PI4K2B: variants seen among roughly 807,000 people sequenced by gnomAD.
PI4K2B encodes the protein phosphatidylinositol 4-kinase type 2 beta, also known as phosphatidylinositol 4-kinase type 2-beta.
A neutral mutation model predicts 56.6 loss-of-function variants in PI4K2B; 46 were observed. The ratio of observed to expected loss-of-function variants is 0.81; its 90% CI spans 0.64 to 1.04. PI4K2B has a LOEUF of 1.04. Ranked by LOEUF, PI4K2B falls within the 50% of genes least tolerant of loss-of-function variation. The pLI, the probability that PI4K2B is intolerant of heterozygous loss-of-function variation, is 0.00. For missense variants in PI4K2B, 556 were observed against 607.7 expected (o/e 0.91, Z 0.89); for synonymous variants, 211 against 223.8 (o/e 0.94, Z 0.51).
intron 6 of PI4K2B, 50 bp downstream of exon 6, chr4:25,260,641 TACAC>T (rs746438409): frequency 0.02 from 1,395 of 69,182 alleles, 37 homozygotes; most frequent in East Asian, 0.16. Flanking sequence ...TATATATATA[TACAC>T]ACACACACAC....
At chr4:25,235,125 ATATT>A (rs574348819) in intron 1 of PI4K2B, among the ~76,000 whole-genome samples, 216 of 152,310 alleles carry the variant, frequency 1.4e-3, no homozygotes, top group African/African-American at 5.0e-3. Context: ...GCAGGCCTGG[ATATT>A]TATTAATAAA....
intron 1 of PI4K2B, among the ~76,000 whole-genome samples, chr4:25,251,631 A>T (rs527681985): frequency 6.6e-6 from 1 of 152,208 alleles, no homozygotes; most frequent in Non-Finnish European, 1.5e-5. Context: ...GGAAGACAGG[A>T]GGTGCTTGAA....
rs967336115 is a variant in PI4K2B at position 25,277,824 on chromosome 4, C to A, written c.*637C>A. 1.3e-5 allele frequency: 2 copies of A among 152,014 alleles called. No homozygotes were observed. Among genetic ancestry groups the A allele is most frequent in the East Asian group, 1.9e-4 (1 of 5,188 alleles). The allele number at this position is 152,014 out of a possible 1,614,324, so 9.4% of individuals were successfully genotyped here. On this transcript the variant is annotated 3_prime_UTR_variant, in exon 10 of 10. Transcript: ENST00000264864. The stretch of plus-strand genomic sequence containing the variant: ...AGTGAGGAAAAAACCTAAGAAATTT[C>A]CCCTTTTTTTAAAAAATGGAAATAT...
chr4:25,268,637 T>C (rs1322335753), intron 8 of PI4K2B, 61 bp downstream of exon 8: 11 of 1,160,940 alleles, frequency 9.5e-6, no homozygotes, highest in Non-Finnish European at 1.3e-5. Context: ...AAGAGACTGC[T>C]TAATAGAGCT....
chr4:25,234,308 C>CTGCT lies in PI4K2B; in HGVS notation c.146_149dup (p.Asp51AlafsTer54), dbSNP rs1323538745. On this transcript the variant is annotated frameshift_variant, in exon 1 of 10. Transcript: ENST00000264864. LOFTEE classifies it high-confidence loss of function. ...AGGCGCCCCAGGCAGCGCCGTGAGG[C>CTGCT]TGCTGGACGCTGCCGGGGAGGAGGG... 7 of 1,416,930 alleles carry CTGCT rather than the reference C, an allele frequency of 4.9e-6. No individual in the cohort carries two copies. Among genetic ancestry groups the CTGCT allele is most frequent in the Non-Finnish European group, 6.5e-6 (7 of 1,082,774 alleles). 87.8% of individuals were successfully genotyped at this position (1,416,930 alleles called of 1,614,324 possible). A position where few individuals can be genotyped will look rare whatever the true frequency, so the allele number is the denominator to read the frequency against.
intron 1 of PI4K2B, among the ~76,000 whole-genome samples, chr4:25,238,847 C>T (rs1427252543): frequency 2.0e-5 from 3 of 152,170 alleles, no homozygotes; most frequent in Non-Finnish European, 4.4e-5. Flanking sequence ...GAGCAGGTTG[C>T]CACTGCTGGT....
At chr4:25,261,505 T>G (rs1046323745) in intron 6 of PI4K2B, among the ~76,000 whole-genome samples, 1 of 152,180 alleles carries the variant, frequency 6.6e-6, no homozygotes, top group Non-Finnish European at 1.5e-5. Context: ...GGGAAAGTTT[T>G]AAGTGATTAA....
chr4:25,255,742 C>G (rs1716239829), intron 3 of PI4K2B, among the ~76,000 whole-genome samples: 1 of 152,182 alleles, frequency 6.6e-6, no homozygotes. Flanking sequence ...GGACTACAGG[C>G]ACATACCATC....
Position 25,277,167 on chromosome 4 carries a change from C to A in PI4K2B, c.1426C>A (p.Pro476Thr). 3 of 1,611,884 alleles carry A rather than the reference C, an allele frequency of 1.9e-6. No individual in the cohort carries two copies. In the South Asian group the frequency reaches 3.3e-5, roughly 18 times the overall value. The stretch of plus-strand genomic sequence containing the variant: ...TACCCAGACTGTCAATTGCAGGAAG[C>A]CATTTTTTTCCTCCTGGTAGTAAAT... ...SFTQTVNCRK[P>T]FFSSW The change falls in exon 10 of 10, where the codon CCA becomes ACA. Residue 476 changes from proline to threonine, a missense_variant. By Grantham distance (38) the Pro-to-Thr change is conservative. Transcript: ENST00000264864.
chr4:25,263,892 T>C (rs1433366266), intron 7 of PI4K2B, 43 bp downstream of exon 7: 6 of 843,332 alleles, frequency 7.1e-6, no homozygotes, highest in Non-Finnish European at 9.6e-6. Flanking sequence ...ATTACCTTTT[T>C]TCCAGAATGA....
intron 5 of PI4K2B, among the ~76,000 whole-genome samples, chr4:25,260,319 C>T (rs1164513126): frequency 1.3e-5 from 2 of 150,568 alleles, no homozygotes; most frequent in African/African-American, 4.9e-5. Context: ...AATGTCGGCC[C>T]AGAGAAAATA....
intron 9 of PI4K2B, among the ~76,000 whole-genome samples, chr4:25,274,340 G>A (rs557573253): frequency 6.6e-6 from 1 of 152,240 alleles, no homozygotes; most frequent in East Asian, 1.9e-4. Context: ...CTGTCATTAT[G>A]GCATGGGTGG....
At chr4:25,273,699 AC>A (rs1172094114) in intron 9 of PI4K2B, among the ~76,000 whole-genome samples, 8 of 152,182 alleles carry the variant, frequency 5.3e-5, no homozygotes, top group Non-Finnish European at 1.2e-4. Context: ...TTCTAAGTTG[AC>A]CTTCCCTCTT....
At chr4:25,254,976 CAGTAGAGAACAATTT>C in intron 2 of PI4K2B, 74 bp from the exon 3 acceptor site, 1 of 803,246 alleles carries the variant, frequency 1.2e-6, no homozygotes, top group East Asian at 2.7e-5. Flanking sequence ...TGGTAGGAAG[CAGTAGAGAACAATTT>C]ATTAGAATGC....
intron 1 of PI4K2B, among the ~76,000 whole-genome samples, chr4:25,235,769 G>A (rs313548): frequency 0.71 from 108,198 of 152,118 alleles, 38,906 homozygotes; most frequent in Non-Finnish European, 0.77. Flanking sequence ...GTGTACCTGG[G>A]TTTTTAAAAG....
intron 4 of PI4K2B, 137 bp downstream of exon 4, chr4:25,256,811 G>T (rs1330088972): frequency 1.3e-6 from 1 of 776,002 alleles, no homozygotes; most frequent in Non-Finnish European, 2.1e-6. Context: ...TAGTAAACAG[G>T]TAATTTTAGT....
intron 7 of PI4K2B, chr4:25,267,853 ATCT>A (rs1290368878): frequency 2.0e-6 from 2 of 982,812 alleles, no homozygotes; most frequent in East Asian, 2.3e-4. Context: ...AGTTTAGAAC[ATCT>A]TCTGTGTACA....
chr4:25,268,201 GATTC>G (rs1716735980), intron 7 of PI4K2B, among the ~76,000 whole-genome samples: 2 of 152,340 alleles, frequency 1.3e-5, no homozygotes, highest in Middle Eastern at 3.4e-3. Flanking sequence ...ATTTGAGATA[GATTC>G]ATTATCTAAA....
chr4:25,261,008 A>G (rs1716456707), intron 6 of PI4K2B, among the ~76,000 whole-genome samples: 1 of 151,292 alleles, frequency 6.6e-6, no homozygotes, highest in Admixed American at 6.6e-5. Context: ...ACACCCAGCC[A>G]GTTCTGTTTT....
Sources: gnomAD v4.1 joint callset for allele counts (sites outside exome capture counted in the v4.1 genomes callset) on GRCh38, gnomAD v4.1.1 for gene constraint, MANE v1.5 for transcripts, NCBI Gene and HGNC (gene_info 2026-07-23, HGNC 2026-07-21) for gene names.